PHF24: variants seen among roughly 807,000 people sequenced by gnomAD.
PHF24 encodes the protein PHD finger protein 24.
In PHF24, 25 loss-of-function variants were observed where a neutral mutation model predicts 42.6. The observed-to-expected ratio is 0.59, with a 90% CI of 0.43 to 0.82. The LOEUF is 0.82. PHF24 is among the 40% of genes least tolerant of loss of function. The probability of loss-of-function intolerance (pLI) is 0.00; values close to 1 mark genes in which losing one functional copy is unlikely to be tolerated. For synonymous variants in PHF24, 185 were observed against 204.8 expected, an observed-to-expected ratio of 0.90 and a Z score of 0.83; for missense variants, 470 against 538.1, an observed-to-expected ratio of 0.87 and a Z score of 1.25.
chr9:34,828,911 T>TTATCTATATCTATATCTATATCTAATCTA, the PHF24 span, among the ~76,000 whole-genome samples: 10 of 143,464 alleles, frequency 7.0e-5, no homozygotes, highest in Middle Eastern at 3.5e-3. Flanking sequence ...TTGCATGGTT[T>TTATCTATATCTATATCTATATCTAATCTA]TATCTATATC....
At chr9:34,749,617 T>TA in the PHF24 span, among the ~76,000 whole-genome samples, 4 of 150,462 alleles carry the variant, frequency 2.7e-5, no homozygotes, top group Non-Finnish European at 4.4e-5. Flanking sequence ...TTTTTTTTTT[T>TA]AATTTTACTT....
At chr9:34,744,461 T>C in the PHF24 span, among the ~76,000 whole-genome samples, 1 of 152,214 alleles carries the variant, frequency 6.6e-6, no homozygotes, top group Admixed American at 6.5e-5. Context: ...CAGTGCTGCA[T>C]ACTCAGAAGG....
chr9:34,878,467 A>C, the PHF24 span, among the ~76,000 whole-genome samples: 1 of 152,228 alleles, frequency 6.6e-6, no homozygotes, highest in Non-Finnish European at 1.5e-5. Context: ...TTTCCTAGCC[A>C]AGGGAAGCCG....
At chr9:34,820,599 CAT>C in the PHF24 span, among the ~76,000 whole-genome samples, 13 of 152,186 alleles carry the variant, frequency 8.5e-5, 1 homozygote, top group South Asian at 2.7e-3. Flanking sequence ...TATTCCATGG[CAT>C]ATATGTACCA....
chr9:34,673,461 TTTG>T, the PHF24 span, among the ~76,000 whole-genome samples: 780 of 152,088 alleles, frequency 5.1e-3, 8 homozygotes, highest in African/African-American at 0.018. Context: ...GAGAAGCTTT[TTTG>T]TTGTTGTTGT....
the PHF24 span, among the ~76,000 whole-genome samples, chr9:34,836,321 G>T: frequency 6.6e-5 from 10 of 152,338 alleles, no homozygotes; most frequent in South Asian, 6.2e-4. Flanking sequence ...TTCTGTGTTG[G>T]CCTTGTTGAG....
At chr9:34,934,609 T>C in the PHF24 span, among the ~76,000 whole-genome samples, 2 of 150,858 alleles carry the variant, frequency 1.3e-5, no homozygotes, top group African/African-American at 4.9e-5. Flanking sequence ...CCTTAAGCCT[T>C]TCGAAATCCC....
At chr9:34,909,615 G>A in the PHF24 span, among the ~76,000 whole-genome samples, 1 of 151,868 alleles carries the variant, frequency 6.6e-6, no homozygotes, top group East Asian at 1.9e-4. Context: ...AACATAAAGA[G>A]AAGAAATCCT....
chr9:34,696,254 G>C, the PHF24 span, among the ~76,000 whole-genome samples: 3 of 152,108 alleles, frequency 2.0e-5, no homozygotes, highest in African/African-American at 7.2e-5. Flanking sequence ...TTGGGAGGCT[G>C]TGGGGGGCAG....
chr9:34,763,406 C>T, the PHF24 span, among the ~76,000 whole-genome samples: 4 of 152,250 alleles, frequency 2.6e-5, no homozygotes, highest in African/African-American at 9.6e-5. Flanking sequence ...CTGAAGAGGT[C>T]CTTCACATCC....
At chr9:34,792,191 A>G in the PHF24 span, among the ~76,000 whole-genome samples, 1 of 152,234 alleles carries the variant, frequency 6.6e-6, no homozygotes, top group Non-Finnish European at 1.5e-5. Flanking sequence ...TGTGTGAAAC[A>G]TCTTGGAAGT....
At chr9:34,699,056 G>T in the PHF24 span, among the ~76,000 whole-genome samples, 1 of 152,244 alleles carries the variant, frequency 6.6e-6, no homozygotes, top group East Asian at 1.9e-4. Flanking sequence ...GTGACAACGT[G>T]ACCTAAGGGT....
intron 1 of PHF24, among the ~76,000 whole-genome samples, chr9:34,963,388 ACT>A (rs1225697909): frequency 6.7e-6 from 1 of 149,876 alleles, no homozygotes; most frequent in Non-Finnish European, 1.5e-5. Flanking sequence ...GATTTTCCAC[ACT>A]CTTGCAGCTG....
chr9:34,963,047 C>G (rs1181491522), intron 1 of PHF24, among the ~76,000 whole-genome samples: 1 of 152,114 alleles, frequency 6.6e-6, no homozygotes, highest in Non-Finnish European at 1.5e-5. Flanking sequence ...TGGGGAGGTA[C>G]CAGGTAGACC....
the PHF24 span, chr9:34,710,125 T>C: frequency 2.7e-6 from 4 of 1,484,500 alleles, no homozygotes; most frequent in East Asian, 4.6e-5. Context: ...CAGCTGCAAG[T>C]TGGGGGTCTG....
At chr9:34,917,274 G>A in the PHF24 span, 62 of 1,066,530 alleles carry the variant, frequency 5.8e-5, 1 homozygote, top group South Asian at 6.5e-4. Flanking sequence ...TATCTGGATC[G>A]ATGGTACTGG....
upstream of PHF24, among the ~76,000 whole-genome samples, chr9:34,954,702 C>T (rs967725808): frequency 2.0e-5 from 3 of 151,592 alleles, no homozygotes; most frequent in African/African-American, 7.3e-5. Flanking sequence ...AAAGAGCATA[C>T]ACACTCTCAT....
the PHF24 span, among the ~76,000 whole-genome samples, chr9:34,720,814 C>A: frequency 6.6e-6 from 1 of 152,182 alleles, no homozygotes; most frequent in East Asian, 1.9e-4. Flanking sequence ...TCCAAGAGCA[C>A]CTGCTGCACA....
the PHF24 span, among the ~76,000 whole-genome samples, chr9:34,910,376 T>G: frequency 7.9e-5 from 12 of 152,200 alleles, no homozygotes; most frequent in African/African-American, 2.4e-4. Flanking sequence ...GTGCATACTC[T>G]AGGAATAACT....
Sources: allele counts gnomAD v4.1 joint callset (sites outside exome capture counted in the v4.1 genomes callset), GRCh38; gene constraint gnomAD v4.1.1; transcripts MANE v1.5; gene names NCBI Gene and HGNC (gene_info 2026-07-23, HGNC 2026-07-21).